PLEKHD1: variants seen among roughly 807,000 people sequenced by gnomAD.
The protein encoded by PLEKHD1 is pleckstrin homology domain-containing family D member 1.
In PLEKHD1, 51 loss-of-function variants were observed where a neutral mutation model predicts 69.2. The observed-to-expected ratio is 0.74, with a 90% CI of 0.59 to 0.93. The LOEUF is 0.93. PLEKHD1 is among the 40% of genes least tolerant of loss of function. The pLI is 0.00. For missense variants in PLEKHD1, 584 were observed against 641.0 expected, an observed-to-expected ratio of 0.91 and a Z score of 0.96; for synonymous variants, 236 against 244.7, an observed-to-expected ratio of 0.96 and a Z score of 0.33.
chr14:69,525,934 T>C lies in PLEKHD1; in HGVS notation c.745-10T>C, dbSNP rs1258681880. The C allele has an allele frequency of 1.3e-6, 2 of 1,545,280 alleles. No individual in the cohort carries two copies. The highest frequency in any genetic ancestry group is 1.7e-6 in the Non-Finnish European group (2 of 1,145,058). On this transcript the variant is annotated splice_polypyrimidine_tract_variant and intron_variant, in intron 8 of 12. Coordinates refer to ENST00000322564, the MANE Select transcript of PLEKHD1 (RefSeq NM_001161498.2). The stretch of plus-strand genomic sequence containing the variant: ...TGGGCTTTTCTTTTCCTTGCCTCCC[T>C]CCATGCCAGGAACTCTCCATAGAGA...
At chr14:69,478,944 G>A in the PLEKHD1 span, among the ~76,000 whole-genome samples, 95 of 152,300 alleles carry the variant, frequency 6.2e-4, no homozygotes, top group Middle Eastern at 3.4e-3. Context: ...TGCGGACAGG[G>A]CCAGGGACTA....
rs1282349033 is a variant in PLEKHD1 at position 69,500,121 on chromosome 14, C to G, written c.156C>G (p.Phe52Leu). 2 of 1,548,396 alleles carry G rather than the reference C, an allele frequency of 1.3e-6. No homozygotes were observed. Among genetic ancestry groups the G allele is most frequent in the Admixed American group, 3.9e-5 (2 of 50,966 alleles). The stretch of plus-strand genomic sequence containing the variant: ...TCCCCACCGCCCACTATAGGTTTTT[C>G]ATCATCAAAGAGAGCTTTCTGCTTT... Reference protein sequence around the residue: ...RPSAKWSRRFFIIKESFLLYY... With the variant: ...RPSAKWSRRFLIIKESFLLYY... The change falls in exon 2 of 13, where the codon TTC becomes TTG. Residue 52 changes from phenylalanine to leucine, a missense_variant. By Grantham distance (22) the Phe-to-Leu change is conservative. Transcript: ENST00000322564.
chr14:69,506,520 AG>A (rs937027183), intron 6 of PLEKHD1, among the ~76,000 whole-genome samples: 1 of 152,234 alleles, frequency 6.6e-6, no homozygotes, highest in Non-Finnish European at 1.5e-5. Flanking sequence ...TGAAGTGAAA[AG>A]TGGAAAAGAA....
Position 69,524,334 on chromosome 14 carries a change from C to T in PLEKHD1, c.744+12C>T, listed in dbSNP as rs1034432051. On this transcript the variant is annotated intron_variant, in intron 8 of 12. Transcript: ENST00000322564. Reference sequence around the variant, plus strand: ...AGCAGACACTGGAGGTGAGGGGCTGCTGGTGGGTTAGTTGACCAGGTGGCA... The same window carrying T: ...AGCAGACACTGGAGGTGAGGGGCTGTTGGTGGGTTAGTTGACCAGGTGGCA... 6.5e-7 allele frequency: 1 copy of T among 1,550,228 alleles called. No individual in the cohort carries two copies. The highest frequency in any genetic ancestry group is 8.7e-7 in the Non-Finnish European group (1 of 1,145,842).
At chr14:69,490,735 G>A (rs977418956) in intron 1 of PLEKHD1, among the ~76,000 whole-genome samples, 3 of 152,154 alleles carry the variant, frequency 2.0e-5, no homozygotes, top group Non-Finnish European at 4.4e-5. Context: ...GAGCACACCA[G>A]GCCATCCAGA....
chr14:69,478,754 A>G, the PLEKHD1 span, among the ~76,000 whole-genome samples: 1 of 152,168 alleles, frequency 6.6e-6, no homozygotes, highest in Non-Finnish European at 1.5e-5. Context: ...CACTATCAGC[A>G]TTTTTGCCAA....
At chr14:69,499,353 A>G (rs963066524) in intron 1 of PLEKHD1, among the ~76,000 whole-genome samples, 1 of 152,144 alleles carries the variant, frequency 6.6e-6, no homozygotes. Flanking sequence ...TGGAGGAAGG[A>G]GCCAGCCACT....
At chr14:69,485,137 A>G (rs1256599157) in intron 1 of PLEKHD1, 23 bp downstream of exon 1, 1 of 1,543,662 alleles carries the variant, frequency 6.5e-7, no homozygotes, top group Non-Finnish European at 8.7e-7. Context: ...CCGCGCCCCA[A>G]GGAGACCGCC....
intron 6 of PLEKHD1, among the ~76,000 whole-genome samples, chr14:69,508,265 G>A (rs541655406): frequency 6.6e-6 from 1 of 152,052 alleles, no homozygotes; most frequent in African/African-American, 2.4e-5. Flanking sequence ...AATTAGCCGG[G>A]GGTGGTGATG....
the PLEKHD1 span, among the ~76,000 whole-genome samples, chr14:69,470,742 A>G: frequency 6.6e-6 from 1 of 152,086 alleles, no homozygotes. Context: ...GCTATGTGCT[A>G]CAATTCTCTT....
At chr14:69,490,255 TG>T (rs1411301639) in intron 1 of PLEKHD1, among the ~76,000 whole-genome samples, 1 of 152,066 alleles carries the variant, frequency 6.6e-6, no homozygotes, top group Non-Finnish European at 1.5e-5. Context: ...GGGGTGGGTG[TG>T]GGGGTGGTTT....
the PLEKHD1 span, among the ~76,000 whole-genome samples, chr14:69,471,736 G>A: frequency 6.6e-6 from 1 of 152,096 alleles, no homozygotes; most frequent in Non-Finnish European, 1.5e-5. Flanking sequence ...CATGCCAAAG[G>A]TGCCTAACAG....
intron 6 of PLEKHD1, among the ~76,000 whole-genome samples, chr14:69,508,613 C>T (rs1318350655): frequency 6.6e-6 from 1 of 152,052 alleles, no homozygotes; most frequent in Non-Finnish European, 1.5e-5. Context: ...CTGCCACAAT[C>T]CCTGGTGGAC....
rs1442588445 is a variant in PLEKHD1, at chr14:69,529,208, A to G, written c.*789A>G. On this transcript the variant is annotated 3_prime_UTR_variant, in exon 13 of 13. Transcript: ENST00000322564. Reference sequence around the variant, plus strand: ...AGGGCCCTGGCTGGGAGCTGGGGCCAGCAGTGATGCTGGGGGCTCCCCCAG... The same window carrying G: ...AGGGCCCTGGCTGGGAGCTGGGGCCGGCAGTGATGCTGGGGGCTCCCCCAG... 6.6e-6 allele frequency: 1 copy of G among 152,346 alleles called. No individual in the cohort carries two copies. Among genetic ancestry groups the G allele is most frequent in the Non-Finnish European group, 1.5e-5 (1 of 68,186 alleles). The allele number at this position is 152,346 out of a possible 1,614,324, so 9.4% of individuals were successfully genotyped here.
intron 3 of PLEKHD1, 80 bp downstream of exon 3, chr14:69,500,746 G>A (rs1883005679): frequency 6.6e-7 from 1 of 1,525,478 alleles, no homozygotes; most frequent in African/African-American, 1.4e-5. Flanking sequence ...CACATCCCAT[G>A]TCCTGGCCTG....
intron 6 of PLEKHD1, among the ~76,000 whole-genome samples, chr14:69,517,004 G>C (rs539643456): frequency 6.6e-6 from 1 of 152,154 alleles, no homozygotes; most frequent in Non-Finnish European, 1.5e-5. Flanking sequence ...GGATGAAGGC[G>C]GGCCAGAAAG....
chr14:69,502,912 T>C (rs1442256781), intron 6 of PLEKHD1, 33 bp downstream of exon 6: 2 of 1,550,770 alleles, frequency 1.3e-6, no homozygotes, highest in Non-Finnish European at 8.7e-7. Flanking sequence ...TCAGCAGCCG[T>C]GGTGTAATGG....
the PLEKHD1 span, among the ~76,000 whole-genome samples, chr14:69,473,404 C>G: frequency 6.6e-6 from 1 of 151,778 alleles, no homozygotes; most frequent in African/African-American, 2.4e-5. Context: ...AGCTGCTGAC[C>G]CTGCGTGTGT....
chr14:69,500,875 A>T lies in PLEKHD1; in HGVS notation c.338A>T (p.Asn113Ile). 5 of 1,551,678 alleles carry T rather than the reference A, an allele frequency of 3.2e-6. No individual in the cohort carries two copies. Among genetic ancestry groups the T allele is most frequent in the Non-Finnish European group, 4.4e-6 (5 of 1,146,994 alleles). ...MKISHQDFHG[N>I]ILLAAESEFE... ...CATGGCTCCTCTTCCTGGCAGGGGA[A>T]CATCTTGCTTGCTGCTGAGTCGGAG... is the stretch of plus-strand genomic sequence containing the variant. Residue 113 changes from asparagine (N) to isoleucine (I), a missense_variant, in exon 4 of 13, where the codon AAC (asparagine) becomes ATC (isoleucine). Physicochemically the swap from Asn to Ile is moderately radical, Grantham distance 149. Coordinates refer to ENST00000322564, the MANE Select transcript of PLEKHD1 (RefSeq NM_001161498.2).
Sources: allele counts gnomAD v4.1 joint callset (sites outside exome capture counted in the v4.1 genomes callset), GRCh38; gene constraint gnomAD v4.1.1; transcripts MANE v1.5; gene names NCBI Gene and HGNC (gene_info 2026-07-23, HGNC 2026-07-21).